CSGALNACT1: variants seen among roughly 807,000 people sequenced by gnomAD.
CSGALNACT1 encodes the protein chondroitin sulfate N-acetylgalactosaminyltransferase 1, also known as beta4GalNAcT-1.
Under a neutral mutation model 51.0 loss-of-function variants are expected in CSGALNACT1, and 52 were observed. The observed-to-expected ratio is 1.02, with a 90% CI of 0.82 to 1.29. The LOEUF (loss-of-function observed/expected upper bound fraction) is 1.29, where lower values mean the gene tolerates loss of function less well. CSGALNACT1 is among the 50% of genes most tolerant of loss of function. CSGALNACT1 has a pLI of 0.00. For synonymous variants in CSGALNACT1, 341 were observed against 254.4 expected, an observed-to-expected ratio of 1.34 and a Z score of -3.24; for missense variants, 935 against 679.2, an observed-to-expected ratio of 1.38 and a Z score of -4.19.
chr8:19,528,627 C>A (rs1032168998), intron 3 of CSGALNACT1, among the ~76,000 whole-genome samples: 3 of 152,124 alleles, frequency 2.0e-5, no homozygotes, highest in African/African-American at 7.2e-5. Flanking sequence ...GCAAATCTCT[C>A]CTTCCTTAAA....
At chr8:19,479,168 G>GT (rs1165191276) in intron 4 of CSGALNACT1, among the ~76,000 whole-genome samples, 1 of 152,222 alleles carries the variant, frequency 6.6e-6, no homozygotes, top group Non-Finnish European at 1.5e-5. Context: ...AGCCATCTGC[G>GT]TAACTTGTGG....
At chr8:19,586,557 G>C (rs1178939207) in intron 3 of CSGALNACT1, among the ~76,000 whole-genome samples, 1 of 152,122 alleles carries the variant, frequency 6.6e-6, no homozygotes, top group Admixed American at 6.5e-5. Context: ...AGAAACTCTG[G>C]GGATGGGCTT....
chr8:19,706,714 T>C (rs2062189257), intron 1 of CSGALNACT1, among the ~76,000 whole-genome samples: 1 of 152,100 alleles, frequency 6.6e-6, no homozygotes, highest in Non-Finnish European at 1.5e-5. Context: ...GTGTGGGCAC[T>C]CCCGGCTCAA....
exon 10 of CSGALNACT1, chr8:19,404,411 C>G (rs2053752919): frequency 2.2e-6 from 1 of 453,116 alleles, no homozygotes; most frequent in Admixed American, 2.4e-5. Context: ...GAAGAAACCA[C>G]TCTATGTTAA....
chr8:19,599,112 G>C (rs935469598), intron 2 of CSGALNACT1, among the ~76,000 whole-genome samples: 2 of 151,880 alleles, frequency 1.3e-5, no homozygotes, highest in Non-Finnish European at 2.9e-5. Context: ...GGAACAGGTG[G>C]AGACAAAAGC....
Position 19,618,650 on chromosome 8 carries a change from A to G in CSGALNACT1, c.-543-16785T>C, listed in dbSNP as rs1426389723. 3.5e-5 allele frequency among the ~76,000 whole-genome samples: 4 copies of G among 114,420 alleles called. No homozygotes were observed. The East Asian group carries it at 5.9e-4, about 17-fold the overall frequency. 75.1% of individuals were successfully genotyped at this position (114,420 alleles called of 152,430 possible). A position where few individuals can be genotyped will look rare whatever the true frequency, so the allele number is the denominator to read the frequency against. ...CCATCAAAAAAAAAAAAAAAAAAAA[A>G]AAAAAAGAAAGAAAGAAAGAAAGAA... is the stretch of plus-strand genomic sequence containing the variant. On this transcript the variant is annotated intron_variant, in intron 1 of 9. Transcript: ENST00000332246.
intron 6 of CSGALNACT1, among the ~76,000 whole-genome samples, chr8:19,439,363 G>T (rs1033741660): frequency 6.6e-6 from 1 of 152,194 alleles, no homozygotes; most frequent in Non-Finnish European, 1.5e-5. Flanking sequence ...AATACTTAAC[G>T]AATGAAAGCC....
At chr8:19,491,987 C>T (rs1484940750) in intron 4 of CSGALNACT1, among the ~76,000 whole-genome samples, 1 of 152,190 alleles carries the variant, frequency 6.6e-6, no homozygotes, top group Non-Finnish European at 1.5e-5. Flanking sequence ...CCAAAGTACA[C>T]TCTGTGCTAT....
At chr8:19,407,327 T>G (rs2054426651) in intron 9 of CSGALNACT1, among the ~76,000 whole-genome samples, 1 of 152,104 alleles carries the variant, frequency 6.6e-6, no homozygotes, top group African/African-American at 2.4e-5. Flanking sequence ...GTCTTGGACC[T>G]GAGGGGGAGG....
intron 3 of CSGALNACT1, among the ~76,000 whole-genome samples, chr8:19,563,508 C>T (rs1278931365): frequency 1.3e-5 from 2 of 152,078 alleles, no homozygotes; most frequent in Non-Finnish European, 2.9e-5. Context: ...TCGCCTTTAC[C>T]CACTCCCACT....
intron 1 of CSGALNACT1, among the ~76,000 whole-genome samples, chr8:19,634,949 C>T (rs1032140756): frequency 4.6e-5 from 7 of 152,146 alleles, no homozygotes; most frequent in African/African-American, 1.2e-4. Flanking sequence ...AAAGCAGTAG[C>T]GCTAATCAGA....
At chr8:19,463,902 A>G (rs1418616316) in intron 4 of CSGALNACT1, among the ~76,000 whole-genome samples, 1 of 152,142 alleles carries the variant, frequency 6.6e-6, no homozygotes, top group East Asian at 1.9e-4. Context: ...TCTGTAATCT[A>G]TTCACACAAA....
At chr8:19,498,397 T>C (rs536515440) in intron 4 of CSGALNACT1, among the ~76,000 whole-genome samples, 2 of 152,312 alleles carry the variant, frequency 1.3e-5, no homozygotes, top group East Asian at 3.9e-4. Flanking sequence ...CAATGCCTCC[T>C]ACCCAACACG....
intron 9 of CSGALNACT1, 25 bp from the exon 9 acceptor site, chr8:19,406,094 A>C (rs764437178): frequency 6.2e-6 from 10 of 1,613,626 alleles, no homozygotes; most frequent in Non-Finnish European, 7.6e-6. Flanking sequence ...CACACTGTTG[A>C]ATCACACTGC....
At chr8:19,656,488 G>A (rs1370337062) in intron 1 of CSGALNACT1, among the ~76,000 whole-genome samples, 3 of 151,704 alleles carry the variant, frequency 2.0e-5, no homozygotes, top group South Asian at 4.2e-4. Flanking sequence ...TGACCTCAAA[G>A]AGGCCCCACA....
intron 1 of CSGALNACT1, among the ~76,000 whole-genome samples, chr8:19,751,889 G>C (rs1019530048): frequency 2.6e-5 from 4 of 152,038 alleles, no homozygotes; most frequent in Non-Finnish European, 5.9e-5. Flanking sequence ...CTTTGGAACT[G>C]TGAGTCAACT....
chr8:19,746,478 T>C (rs755727569), intron 1 of CSGALNACT1, among the ~76,000 whole-genome samples: 20 of 152,200 alleles, frequency 1.3e-4, no homozygotes, highest in Non-Finnish European at 2.8e-4. Flanking sequence ...AACAACATCA[T>C]TCATTCCACT....
intron 4 of CSGALNACT1, among the ~76,000 whole-genome samples, chr8:19,470,941 C>T (rs1368033505): frequency 1.3e-5 from 2 of 151,948 alleles, no homozygotes; most frequent in African/African-American, 4.8e-5. Context: ...ACTAAAAATA[C>T]AAAAATTAGC....
chr8:19,686,226 G>A (rs184051542), upstream of CSGALNACT1, among the ~76,000 whole-genome samples: 21 of 152,260 alleles, frequency 1.4e-4, no homozygotes, highest in Non-Finnish European at 2.5e-4. Context: ...AAATGGCCAT[G>A]CAGGGGACAC....
Sources: allele counts gnomAD v4.1 joint callset (sites outside exome capture counted in the v4.1 genomes callset), GRCh38; gene constraint gnomAD v4.1.1; transcripts MANE v1.5; gene names NCBI Gene and HGNC (gene_info 2026-07-23, HGNC 2026-07-21).